Variants in SLC7A9 observed in about 807,000 individuals in gnomAD.
SLC7A9 encodes solute carrier family 7 member 9, also known as B(0,+)-type amino acid transporter 1.
A neutral mutation model predicts 54.1 loss-of-function variants in SLC7A9; 38 were observed. The ratio of observed to expected loss-of-function variants is 0.70; its 90% CI spans 0.54 to 0.92. The LOEUF is 0.92. Ranked by LOEUF, SLC7A9 falls within the 40% of genes least tolerant of loss-of-function variation. The pLI is 0.00. For missense variants in SLC7A9, 537 were observed against 636.1 expected (o/e 0.84, Z 1.68); for synonymous variants, 264 against 258.9 (o/e 1.02, Z -0.19).
At chr19:32,869,631 C>G (rs1471907062) in intron 1 of SLC7A9, 55 bp downstream of exon 1, 1 of 152,170 alleles carries the variant, frequency 6.6e-6, no homozygotes, top group Non-Finnish European at 1.5e-5. Flanking sequence ...ATTATCTGTC[C>G]AGGCCCCGGC....
intron 11 of SLC7A9, among the ~76,000 whole-genome samples, chr19:32,836,775 T>TG (rs1483421655): frequency 3.3e-5 from 5 of 152,176 alleles, no homozygotes; most frequent in African/African-American, 1.2e-4. Flanking sequence ...TAAAGATGGT[T>TG]GCTATATGGT....
chr19:32,847,519 A>T (rs1030339781), intron 9 of SLC7A9, among the ~76,000 whole-genome samples: 26 of 152,230 alleles, frequency 1.7e-4, no homozygotes, highest in African/African-American at 6.0e-4. Context: ...AAAGCCTCCA[A>T]GAAATATGGG....
intron 7 of SLC7A9, chr19:32,860,372 C>A (rs1182112374): frequency 7.4e-7 from 1 of 1,350,708 alleles, no homozygotes; most frequent in Non-Finnish European, 9.7e-7. Context: ...GCCTGGCCAA[C>A]ATGGCAAAAT....
At chr19:32,862,289 T>C (rs2145842397) in intron 5 of SLC7A9, 72 bp from the exon 6 acceptor site, 1 of 1,438,586 alleles carries the variant, frequency 7.0e-7, no homozygotes, top group East Asian at 2.3e-5. Flanking sequence ...ACGGGAAAGA[T>C]GGGCATGATT....
At chr19:32,830,730 CG>C (rs753174498) in intron 12 of SLC7A9, 46 bp from the exon 13 acceptor site, 2 of 1,505,032 alleles carry the variant, frequency 1.3e-6, no homozygotes, top group African/African-American at 2.8e-5. Flanking sequence ...GACTGAAATT[CG>C]AAAGTTTCAC....
At chr19:32,847,130 C>T (rs1351213188) in intron 9 of SLC7A9, among the ~76,000 whole-genome samples, 2 of 152,214 alleles carry the variant, frequency 1.3e-5, no homozygotes, top group Admixed American at 6.5e-5. Flanking sequence ...CAGAGTGCCT[C>T]TCCTCTTCCA....
At chr19:32,844,776 A>G (rs896273845) in intron 9 of SLC7A9, among the ~76,000 whole-genome samples, 2 of 138,790 alleles carry the variant, frequency 1.4e-5, no homozygotes, top group Non-Finnish European at 3.0e-5. Context: ...GGTTGCGGTG[A>G]GCTGAGATCG....
chr19:32,853,916 CAA>C (rs139253538), intron 9 of SLC7A9, among the ~76,000 whole-genome samples: 104 of 119,796 alleles, frequency 8.7e-4, no homozygotes, highest in Middle Eastern at 3.9e-3. Flanking sequence ...GATCCTGTCT[CAA>C]AAAAAAAAAA....
intron 4 of SLC7A9, among the ~76,000 whole-genome samples, chr19:32,863,760 G>T (rs2145845077): frequency 6.6e-6 from 1 of 152,296 alleles, no homozygotes; most frequent in East Asian, 1.9e-4. Context: ...ACCTGGAGAT[G>T]ACCTTAGCCG....
intron 9 of SLC7A9, among the ~76,000 whole-genome samples, chr19:32,854,777 A>G (rs1024867376): frequency 2.6e-5 from 4 of 152,046 alleles, no homozygotes; most frequent in African/African-American, 4.8e-5. Context: ...TAGTAGAGAC[A>G]GGGTTTCACC....
intron 9 of SLC7A9, among the ~76,000 whole-genome samples, chr19:32,855,430 T>C (rs1404492909): frequency 1.3e-5 from 2 of 152,160 alleles, no homozygotes; most frequent in Non-Finnish European, 2.9e-5. Context: ...CCGGGCGCGG[T>C]GGCTCACGCC....
At chr19:32,841,693 G>A (rs1968130852) in intron 11 of SLC7A9, among the ~76,000 whole-genome samples, 1 of 152,180 alleles carries the variant, frequency 6.6e-6, no homozygotes, top group Non-Finnish European at 1.5e-5. Context: ...GATCACTTGA[G>A]GTCAGGAGTT....
intron 11 of SLC7A9, among the ~76,000 whole-genome samples, chr19:32,834,829 C>T (rs186975646): frequency 3.9e-5 from 6 of 152,166 alleles, no homozygotes; most frequent in African/African-American, 9.6e-5. Context: ...CTCGCTCTGT[C>T]GCTCAGGCTG....
At chr19:32,851,907 A>G (rs1262153084) in intron 9 of SLC7A9, among the ~76,000 whole-genome samples, 6 of 152,156 alleles carry the variant, frequency 3.9e-5, no homozygotes, top group Non-Finnish European at 7.3e-5. Flanking sequence ...CATTCTCAGC[A>G]AACTATTGCA....
At position 32,830,698 on chromosome 19, in the gene SLC7A9, CA is replaced by C; in HGVS notation, c.1400-15del. ...TGGTAATCGGCTCTGAAATAAGAGT[CA>C]AAAATGAGTACAGTTAGTTAGACTG... On this transcript the variant is annotated splice_polypyrimidine_tract_variant and intron_variant, in intron 12 of 12. Coordinates refer to ENST00000023064, the MANE Select transcript of SLC7A9 (RefSeq NM_014270.5). 1 of 1,608,072 alleles carries C rather than the reference CA, an allele frequency of 6.2e-7. No individual in the cohort carries two copies. Among genetic ancestry groups the C allele is most frequent in the Non-Finnish European group, 8.5e-7 (1 of 1,174,626 alleles).
chr19:32,830,799 G>T (rs1028787030), intron 12 of SLC7A9, 115 bp from the exon 13 acceptor site: 4 of 779,250 alleles, frequency 5.1e-6, no homozygotes, highest in Non-Finnish European at 8.6e-6. Context: ...GCGTCACCTA[G>T]ACCCTGTGCT....
At chr19:32,864,908 G>A in intron 2 of SLC7A9, 132 bp from the exon 3 acceptor site, 1 of 1,204,416 alleles carries the variant, frequency 8.3e-7, no homozygotes, top group Non-Finnish European at 1.2e-6. Flanking sequence ...TCCACCCTGA[G>A]CGGCTGCCCT....
At chr19:32,839,015 A>G (rs935822632) in intron 11 of SLC7A9, among the ~76,000 whole-genome samples, 1 of 152,058 alleles carries the variant, frequency 6.6e-6, no homozygotes, top group Non-Finnish European at 1.5e-5. Flanking sequence ...TCTTCCTCCC[A>G]GCATCTAATT....
intron 9 of SLC7A9, among the ~76,000 whole-genome samples, chr19:32,850,458 A>G (rs1377154026): frequency 6.6e-6 from 1 of 151,872 alleles, no homozygotes. Flanking sequence ...ATACCTAGGA[A>G]TCCAACTTAC....
Sources: gnomAD v4.1 joint callset for allele counts (sites outside exome capture counted in the v4.1 genomes callset) on GRCh38, gnomAD v4.1.1 for gene constraint, MANE v1.5 for transcripts, NCBI Gene and HGNC (gene_info 2026-07-23, HGNC 2026-07-21) for gene names.